The following ODAD2 variants were observed in gnomAD, a reference collection of about 807,000 sequenced individuals.
ODAD2 encodes the protein outer dynein arm-docking complex subunit 2.
A neutral mutation model predicts 106.8 loss-of-function variants in ODAD2; 89 were observed. The observed-to-expected ratio is 0.83, with a 90% CI of 0.70 to 0.99. The LOEUF is 0.99. Ranked by LOEUF, ODAD2 falls within the 50% of genes least tolerant of loss-of-function variation. The pLI is 0.00. For missense variants in ODAD2, 1,168 were observed against 1,238.5 expected, an observed-to-expected ratio of 0.94 and a Z score of 0.85; for synonymous variants, 404 against 436.2, an observed-to-expected ratio of 0.93 and a Z score of 0.92.
At chr10:27,882,228 A>AGAAAGAAAGAAG (rs879434149) in intron 17 of ODAD2, among the ~76,000 whole-genome samples, 27 of 151,156 alleles carry the variant, frequency 1.8e-4, no homozygotes, top group African/African-American at 3.9e-4. Context: ...AAAGAAAGAA[A>AGAAAGAAAGAAG]GAAAGAAATA....
At chr10:27,812,679 A>G in intron 19 of ODAD2, 54 bp from the exon 20 acceptor site, 1 of 1,507,616 alleles carries the variant, frequency 6.6e-7, no homozygotes, top group Non-Finnish European at 8.8e-7. Context: ...CATTAATCTA[A>G]AGACATAAAG....
At chr10:27,872,789 T>C (rs1841005039) in intron 17 of ODAD2, among the ~76,000 whole-genome samples, 1 of 152,218 alleles carries the variant, frequency 6.6e-6, no homozygotes, top group South Asian at 2.1e-4. Context: ...TGCAACGATG[T>C]TCATCAGGGA....
intron 12 of ODAD2, 63 bp downstream of exon 12, chr10:27,944,159 G>T: frequency 7.0e-7 from 1 of 1,427,740 alleles, no homozygotes; most frequent in Non-Finnish European, 9.7e-7. Flanking sequence ...AGAAAGGACA[G>T]CAAGGAGCTG....
At chr10:27,952,091 A>AAAAAAAAAAAAAAAAAAAAC (rs1847377221) in intron 10 of ODAD2, among the ~76,000 whole-genome samples, 1 of 150,240 alleles carries the variant, frequency 6.7e-6, no homozygotes, top group African/African-American at 2.4e-5. Flanking sequence ...AAAAAAAAAA[A>AAAAAAAAAAAAAAAAAAAAC]AGACACACTA....
intron 19 of ODAD2, chr10:27,835,903 G>A (rs1251980040): frequency 6.7e-6 from 1 of 149,762 alleles, no homozygotes; most frequent in Non-Finnish European, 1.5e-5. Context: ...TCCAGCCTGG[G>A]TGACAAGAGT....
At chr10:27,983,093 C>A (rs1849663585) in intron 6 of ODAD2, among the ~76,000 whole-genome samples, 1 of 152,216 alleles carries the variant, frequency 6.6e-6, no homozygotes. Flanking sequence ...AACGGCCCTT[C>A]TTTCCACACA....
Position 27,880,088 on chromosome 10 carries a change from T to C in ODAD2, c.2611-17466A>G, listed in dbSNP as rs1841598691. Among the ~76,000 whole-genome samples, 2 of 152,318 alleles carry C rather than the reference T, an allele frequency of 1.3e-5. 1 individual carries two copies. Among genetic ancestry groups the C allele is most frequent in the South Asian group, 4.1e-4 (2 of 4,834 alleles). On this transcript the variant is annotated intron_variant, in intron 17 of 19. Coordinates refer to ENST00000305242, the MANE Select transcript of ODAD2 (RefSeq NM_018076.5). ...AACTCCATGAGCTATTTCAGCTTCA[T>C]GTTACTCTATTTGTTCACATTAAGC...
At chr10:27,885,696 A>AAATATATTATATAT (rs1491556365) in intron 17 of ODAD2, among the ~76,000 whole-genome samples, 4 of 44,478 alleles carry the variant, frequency 9.0e-5, no homozygotes, top group African/African-American at 2.8e-4. Flanking sequence ...ATAATATATA[A>AAATATATTATATAT]TATATATAAA....
At chr10:27,922,277 T>C (rs1381129632) in intron 16 of ODAD2, among the ~76,000 whole-genome samples, 1 of 151,990 alleles carries the variant, frequency 6.6e-6, no homozygotes, top group Non-Finnish European at 1.5e-5. Flanking sequence ...TTTTAACATA[T>C]AAGAATTTAG....
At chr10:27,867,239 G>A (rs1217446094) in intron 17 of ODAD2, among the ~76,000 whole-genome samples, 1 of 152,104 alleles carries the variant, frequency 6.6e-6, no homozygotes, top group African/African-American at 2.4e-5. Context: ...ACCCCAAAGG[G>A]CCATGAAGTT....
intron 10 of ODAD2, among the ~76,000 whole-genome samples, chr10:27,945,417 C>T (rs1158456273): frequency 2.0e-5 from 3 of 152,162 alleles, no homozygotes; most frequent in Admixed American, 2.0e-4. Flanking sequence ...GCACCGCAAT[C>T]CATACTGGAA....
intron 17 of ODAD2, among the ~76,000 whole-genome samples, chr10:27,879,916 C>T (rs1482050745): frequency 1.3e-5 from 2 of 152,152 alleles, no homozygotes; most frequent in African/African-American, 4.8e-5. Flanking sequence ...AAATAGTTTG[C>T]AGAGGCCTAC....
At chr10:27,852,971 A>C (rs1280639598) in intron 19 of ODAD2, among the ~76,000 whole-genome samples, 1 of 151,638 alleles carries the variant, frequency 6.6e-6, no homozygotes, top group Non-Finnish European at 1.5e-5. Flanking sequence ...AAAAAAAAAA[A>C]AAAAAAAAAG....
chr10:27,977,525 C>A (rs535373610), intron 7 of ODAD2, among the ~76,000 whole-genome samples: 1 of 152,052 alleles, frequency 6.6e-6, no homozygotes, highest in Non-Finnish European at 1.5e-5. Flanking sequence ...CAAGATCGAT[C>A]ATGCCACTGC....
chr10:27,956,622 A>G (rs995280123), intron 10 of ODAD2, among the ~76,000 whole-genome samples: 3 of 152,176 alleles, frequency 2.0e-5, no homozygotes, highest in African/African-American at 7.2e-5. Flanking sequence ...ATGCCTCTGA[A>G]CTACCAAAAA....
chr10:27,854,306 A>T (rs1045174208), intron 19 of ODAD2, among the ~76,000 whole-genome samples: 1 of 152,174 alleles, frequency 6.6e-6, no homozygotes, highest in Non-Finnish European at 1.5e-5. Context: ...GCAATTTTTT[A>T]AAAAGTTAAA....
At chr10:27,970,933 C>T (rs1848806903) in intron 8 of ODAD2, among the ~76,000 whole-genome samples, 175 bp downstream of exon 8, 1 of 151,766 alleles carries the variant, frequency 6.6e-6, no homozygotes, top group Non-Finnish European at 1.5e-5. Flanking sequence ...GATGGCACCA[C>T]TGCACTCCTG....
At position 27,924,009 on chromosome 10, in the gene ODAD2, AGAAAGAAAGAAAGAAG is replaced by A. The variant is rs1216234462; in HGVS notation, c.2495+10985_2495+11000del. Among the ~76,000 whole-genome samples the A allele has an allele frequency of 1.6e-3, 158 of 97,142 alleles. 7 individuals carry two copies. Among genetic ancestry groups the A allele is most frequent in the African/African-American group, 5.9e-3 (139 of 23,630 alleles). 63.7% of individuals were successfully genotyped at this position (97,142 alleles called of 152,430 possible). A position where few individuals can be genotyped will look rare whatever the true frequency, so the allele number is the denominator to read the frequency against. On this transcript the variant is annotated intron_variant, in intron 16 of 19. Transcript: ENST00000305242. ...AAGAAAGAAAGAAAGAAAGAAAGAA[AGAAAGAAAGAAAGAAG>A]GAAAGAGAAAGAAAGAAGGAAAGAG...
At chr10:27,901,792 G>A (rs1268653131) in intron 17 of ODAD2, among the ~76,000 whole-genome samples, 1 of 152,114 alleles carries the variant, frequency 6.6e-6, no homozygotes, top group East Asian at 1.9e-4. Context: ...CCCAGTACAG[G>A]AGCACCCAGA....
Sources: gnomAD v4.1 joint callset for allele counts (sites outside exome capture counted in the v4.1 genomes callset) on GRCh38, gnomAD v4.1.1 for gene constraint, MANE v1.5 for transcripts, NCBI Gene and HGNC (gene_info 2026-07-23, HGNC 2026-07-21) for gene names.